Variants in NDUFA10 observed in about 807,000 individuals in gnomAD.
NDUFA10 encodes NADH dehydrogenase [ubiquinone] 1 alpha subcomplex subunit 10, mitochondrial.
NDUFA10 carries 40 observed loss-of-function variants against 47.8 expected under a neutral mutation model. That is an observed-to-expected ratio of 0.84 (90% CI 0.65 to 1.09). The LOEUF (loss-of-function observed/expected upper bound fraction) is 1.09, where lower values mean the gene tolerates loss of function less well. Ranked by LOEUF, NDUFA10 falls within the 50% of genes least tolerant of loss-of-function variation. NDUFA10 has a pLI of 0.00. For missense variants in NDUFA10, 413 were observed against 451.1 expected, an observed-to-expected ratio of 0.92 and a Z score of 0.76; for synonymous variants, 183 against 172.2, an observed-to-expected ratio of 1.06 and a Z score of -0.49.
intron 3 of NDUFA10, among the ~76,000 whole-genome samples, chr2:240,019,055 G>A (rs1025921992): frequency 2.6e-5 from 4 of 151,836 alleles, no homozygotes; most frequent in South Asian, 2.1e-4. Flanking sequence ...CAGCAGCCCC[G>A]ACGGACACTT....
chr2:239,989,271 G>A (rs1053003647), intron 9 of NDUFA10, among the ~76,000 whole-genome samples: 5 of 152,224 alleles, frequency 3.3e-5, no homozygotes, highest in Non-Finnish European at 5.9e-5. Flanking sequence ...CAAGCAAGGG[G>A]ATCTACTCAG....
At chr2:239,993,390 C>T (rs575720649) in intron 8 of NDUFA10, among the ~76,000 whole-genome samples, 1 of 152,072 alleles carries the variant, frequency 6.6e-6, no homozygotes, top group South Asian at 2.1e-4. Context: ...GGGAAGGTGT[C>T]AGGGAGAAAA....
chr2:240,020,415 G>T (rs1697573231), intron 3 of NDUFA10, among the ~76,000 whole-genome samples: 1 of 152,218 alleles, frequency 6.6e-6, no homozygotes, highest in African/African-American at 2.4e-5. Context: ...TGGCATGGTA[G>T]CTTTGACCAA....
At position 239,898,063 on chromosome 2, in the gene NDUFA10, C is replaced by T. The variant is rs144756182; in HGVS notation, c.295-2749G>A. ...CCAGGCTGCCTGCTCTGTGAGAAAACGGAACTGCAGGAACCAACCGGGGCC... is the reference window on the plus strand; with the variant it reads ...CCAGGCTGCCTGCTCTGTGAGAAAATGGAACTGCAGGAACCAACCGGGGCC... On this transcript the variant is annotated intron_variant, in intron 4 of 5. Transcript: ENST00000419408. Among the ~76,000 whole-genome samples the T allele has an allele frequency of 3.6e-3, 548 of 152,262 alleles. 1 individual carries two copies. The highest frequency in any genetic ancestry group is 5.4e-3 in the Non-Finnish European group (368 of 68,014).
At chr2:239,977,156 A>G (rs1311061316) in intron 9 of NDUFA10, among the ~76,000 whole-genome samples, 2 of 152,140 alleles carry the variant, frequency 1.3e-5, no homozygotes, top group African/African-American at 2.4e-5. Context: ...GAGAGACAGC[A>G]AGTCTAGAAT....
Position 240,014,737 on chromosome 2 carries a change from A to G in NDUFA10, c.669+2T>C. ...TTGGCCTTTGATTGAAAACTGCATTACATCTCCTTTCTTCTGAATCCGCCT... is the reference window on the plus strand; with the variant it reads ...TTGGCCTTTGATTGAAAACTGCATTGCATCTCCTTTCTTCTGAATCCGCCT... On this transcript the variant is annotated splice_donor_variant, in intron 5 of 9. Coordinates refer to ENST00000252711, the MANE Select transcript of NDUFA10 (RefSeq NM_004544.4). LOFTEE classifies it high-confidence loss of function. 6.2e-7 allele frequency: 1 copy of G among 1,614,198 alleles called. No homozygotes were observed. The highest frequency in any genetic ancestry group is 8.5e-7 in the Non-Finnish European group (1 of 1,180,024).
chr2:239,931,505 C>T (rs542143828), intron 4 of NDUFA10, among the ~76,000 whole-genome samples: 5 of 152,120 alleles, frequency 3.3e-5, no homozygotes, highest in East Asian at 1.9e-4. Context: ...CCACTCGCCT[C>T]GCCACAGCGT....
At chr2:239,910,011 A>G (rs1012042218) in intron 4 of NDUFA10, among the ~76,000 whole-genome samples, 2 of 152,188 alleles carry the variant, frequency 1.3e-5, no homozygotes, top group African/African-American at 4.8e-5. Context: ...CAAAACCACA[A>G]TGAGATATCA....
intron 9 of NDUFA10, among the ~76,000 whole-genome samples, chr2:239,973,187 C>A (rs764165676): frequency 5.3e-5 from 8 of 152,162 alleles, no homozygotes; most frequent in Admixed American, 2.6e-4. Context: ...GAAGGCATTA[C>A]GCATTTACTT....
intron 4 of NDUFA10, among the ~76,000 whole-genome samples, chr2:239,910,782 A>G (rs1315992676): frequency 6.6e-6 from 1 of 152,206 alleles, no homozygotes; most frequent in Non-Finnish European, 1.5e-5. Flanking sequence ...AGCTTGAGAG[A>G]CAAATGTTGA....
intron 4 of NDUFA10, among the ~76,000 whole-genome samples, chr2:239,913,778 C>A (rs1693793901): frequency 6.6e-6 from 1 of 152,232 alleles, no homozygotes; most frequent in Non-Finnish European, 1.5e-5. Context: ...AGGATCCCAC[C>A]CCATCTGGCA....
intron 4 of NDUFA10, chr2:240,018,338 G>A: frequency 7.2e-7 from 1 of 1,396,734 alleles, no homozygotes; most frequent in Non-Finnish European, 9.7e-7. Flanking sequence ...GCTTTCACAG[G>A]GAGACATGAC....
intron 9 of NDUFA10, chr2:239,983,535 G>C: frequency 1.2e-6 from 2 of 1,602,454 alleles, no homozygotes; most frequent in Non-Finnish European, 1.7e-6. Flanking sequence ...GGAACATAAA[G>C]GCTGTGGTGT....
intron 6 of NDUFA10, among the ~76,000 whole-genome samples, chr2:240,008,144 T>A (rs890584485): frequency 6.6e-6 from 1 of 152,166 alleles, no homozygotes; most frequent in African/African-American, 2.4e-5. Flanking sequence ...CTGACTCACA[T>A]CACTTCCAAA....
chr2:239,902,505 C>T (rs1021106481), intron 4 of NDUFA10, among the ~76,000 whole-genome samples: 5 of 152,168 alleles, frequency 3.3e-5, no homozygotes, highest in African/African-American at 1.2e-4. Flanking sequence ...ATAAATATAG[C>T]TTTTATATGC....
At chr2:239,996,333 C>T (rs189002948) in intron 8 of NDUFA10, among the ~76,000 whole-genome samples, 28 of 152,318 alleles carry the variant, frequency 1.8e-4, no homozygotes, top group African/African-American at 6.3e-4. Context: ...AAATCATACA[C>T]AGTGTATTCT....
chr2:240,008,327 A>G (rs1220178781), intron 6 of NDUFA10, among the ~76,000 whole-genome samples: 2 of 152,206 alleles, frequency 1.3e-5, no homozygotes, highest in Non-Finnish European at 2.9e-5. Context: ...ATGGTCAGAA[A>G]CTGCAAGCAG....
intron 7 of NDUFA10, among the ~76,000 whole-genome samples, chr2:240,006,804 C>T (rs1696964694): frequency 6.6e-6 from 1 of 152,106 alleles, no homozygotes; most frequent in African/African-American, 2.4e-5. Flanking sequence ...TTTATTAATT[C>T]TTGCATTAAC....
chr2:240,000,130 G>C (rs1696644613), intron 8 of NDUFA10, among the ~76,000 whole-genome samples: 1 of 152,192 alleles, frequency 6.6e-6, no homozygotes, highest in South Asian at 2.1e-4. Context: ...TACTGCTTTA[G>C]GTTATTTACT....
Sources: allele counts gnomAD v4.1 joint callset (sites outside exome capture counted in the v4.1 genomes callset), GRCh38; gene constraint gnomAD v4.1.1; transcripts MANE v1.5; gene names NCBI Gene and HGNC (gene_info 2026-07-23, HGNC 2026-07-21).